AFF3: variants seen among roughly 807,000 people sequenced by gnomAD.
The protein encoded by AFF3 is ALF transcription elongation factor 3.
In AFF3, 32 loss-of-function variants were observed where a neutral mutation model predicts 129.7. The ratio of observed to expected loss-of-function variants is 0.25; its 90% CI spans 0.19 to 0.33. The LOEUF (loss-of-function observed/expected upper bound fraction) is 0.33, where lower values mean the gene tolerates loss of function less well. Among genes scored for constraint, AFF3 ranks in the 10% least tolerant of loss-of-function variants. AFF3 has a pLI of 1.00. For missense variants in AFF3, 1,373 were observed against 1,592.0 expected (o/e 0.86, Z 2.34); for synonymous variants, 644 against 635.4 (o/e 1.01, Z -0.20).
At position 99,584,372 on chromosome 2, in the gene AFF3, C is replaced by T. The variant is rs1575426880; in HGVS notation, c.2592-1373G>A. Among the ~76,000 whole-genome samples the T allele has an allele frequency of 2.0e-5, 3 of 152,282 alleles. No homozygotes were observed. The East Asian group carries it at 5.8e-4, about 29-fold the overall frequency. On this transcript the variant is annotated intron_variant, in intron 16 of 24. Coordinates refer to ENST00000672756, the MANE Select transcript of AFF3 (RefSeq NM_001386135.1). ...AATCCCAGCTACTCAGCTCAGGAGG[C>T]TGAGGCAGGAGAATCGCTTGGGAGA...
intron 8 of AFF3, among the ~76,000 whole-genome samples, chr2:99,780,022 T>C (rs540739969): frequency 1.7e-3 from 262 of 152,350 alleles, no homozygotes; most frequent in Non-Finnish European, 3.3e-3. Flanking sequence ...TCCCAGCATC[T>C]GAAGGACTAC....
intron 7 of AFF3, among the ~76,000 whole-genome samples, chr2:100,005,958 T>C (rs1266643089): frequency 6.6e-6 from 1 of 152,194 alleles, no homozygotes; most frequent in Non-Finnish European, 1.5e-5. Context: ...CACATTTAAT[T>C]TTAGTTAGTA....
chr2:100,022,768 CACAGGCAAT>C (rs1683701329), intron 4 of AFF3, among the ~76,000 whole-genome samples: 1 of 152,162 alleles, frequency 6.6e-6, no homozygotes, highest in Non-Finnish European at 1.5e-5. Context: ...AGTCCAATGC[CACAGGCAAT>C]ACAGGCAGCT....
At chr2:99,889,023 T>A (rs968350011) in intron 7 of AFF3, among the ~76,000 whole-genome samples, 7 of 152,240 alleles carry the variant, frequency 4.6e-5, no homozygotes, top group African/African-American at 1.7e-4. Flanking sequence ...TTTAAACCTT[T>A]AAAAATTTAT....
Position 100,006,618 on chromosome 2 carries a change from T to C in AFF3, c.873+14A>G. 1.9e-6 allele frequency: 3 copies of C among 1,594,000 alleles called. No homozygotes were observed. The highest frequency in any genetic ancestry group is 2.6e-6 in the Non-Finnish European group (3 of 1,165,918). ...CTATGCAGTTGCATGTGAACGGTGC[T>C]GATAAAGACTCACCTCCCCCTGCTT... is the stretch of plus-strand genomic sequence containing the variant. On this transcript the variant is annotated intron_variant, in intron 7 of 24. Transcript: ENST00000672756.
chr2:100,006,989 A>G lies in AFF3; in HGVS notation c.516T>C (p.Leu172=). ...ATQQGSLRTL[L]GDGVGRQQPR... is the part of the protein sequence containing the mutation. Reference sequence around the variant, plus strand: ...GCTGCTGTCTGCCAACACCATCTCCAAGCAAGGTCCTGAGAGAGCCCTGTT... The same window carrying G: ...GCTGCTGTCTGCCAACACCATCTCCGAGCAAGGTCCTGAGAGAGCCCTGTT... Residue 172 remains leucine (L), a synonymous_variant, in exon 7 of 25, where the codon CTT becomes CTC. Transcript: ENST00000672756. The G allele has an allele frequency of 6.2e-7, 1 of 1,612,246 alleles. No homozygotes were observed. Among genetic ancestry groups the G allele is most frequent in the Non-Finnish European group, 8.5e-7 (1 of 1,178,766 alleles).
chr2:99,587,190 G>C lies in AFF3; in HGVS notation c.2555C>G (p.Thr852Ser), dbSNP rs757264063. 4 of 1,614,078 alleles carry C rather than the reference G, an allele frequency of 2.5e-6. No individual in the cohort carries two copies. In the African/African-American group the frequency reaches 5.3e-5, roughly 22 times the overall value. ...SSRLATSTSN[T>S]LSANHCNMNI... ...CATGTTGCAGTGGTTTGCAGACAAA[G>C]TATTACTGGTGGAGGTGGCCAGTCT... The change falls in exon 16 of 25, where the codon ACT becomes AGT. Residue 852 changes from threonine to serine, a missense_variant. Coordinates refer to ENST00000672756, the MANE Select transcript of AFF3 (RefSeq NM_001386135.1).
chr2:100,068,090 C>T (rs903482310), intron 4 of AFF3, among the ~76,000 whole-genome samples: 1 of 152,156 alleles, frequency 6.6e-6, no homozygotes, highest in Non-Finnish European at 1.5e-5. Context: ...GTTGTACTGC[C>T]GAAGGCCGCA....
In AFF3 at chr2:99,750,979, C is replaced by A. The variant is rs149258792; in HGVS notation, c.1002+1242G>T. Among the ~76,000 whole-genome samples, 61 of 152,264 alleles carry A rather than the reference C, an allele frequency of 4.0e-4. 1 individual carries two copies. The East Asian group carries it at 7.5e-3, about 19-fold the overall frequency. ...ATTCACTTGAAAAGGTCTTCAAATA[C>A]GTTTTATTGTAAGAAAAATCAACTC... On this transcript the variant is annotated intron_variant, in intron 9 of 24. Coordinates refer to ENST00000672756, the MANE Select transcript of AFF3 (RefSeq NM_001386135.1).
chr2:99,752,384 G>T, intron 8 of AFF3, 83 bp from the exon 9 acceptor site: 1 of 1,193,224 alleles, frequency 8.4e-7, no homozygotes. Context: ...TGTACAAGTG[G>T]GCCTTCATAA....
At chr2:100,112,919 C>T (rs1691575048) in intron 2 of AFF3, among the ~76,000 whole-genome samples, 1 of 152,204 alleles carries the variant, frequency 6.6e-6, no homozygotes, top group African/African-American at 2.4e-5. Flanking sequence ...ATTCCATATA[C>T]TTGGCACAGA....
chr2:99,916,153 G>C (rs1371541208), intron 7 of AFF3, among the ~76,000 whole-genome samples: 2 of 152,138 alleles, frequency 1.3e-5, no homozygotes, highest in Non-Finnish European at 2.9e-5. Context: ...TCAAAGTGGG[G>C]TGGCCCTACA....
rs753337632 is a variant in AFF3 at position 99,594,120 on chromosome 2, C to T, written c.1541G>A (p.Cys514Tyr). 7 of 1,614,042 alleles carry T rather than the reference C, an allele frequency of 4.3e-6. No individual in the cohort carries two copies. The highest frequency in any genetic ancestry group is 1.6e-4 in the Middle Eastern group (1 of 6,062). ...CTCCTTCTCTCTCAGGCTGGGCTGGCAAACGTCGGGGACTTTCCCACAGTC... is the reference window on the plus strand; with the variant it reads ...CTCCTTCTCTCTCAGGCTGGGCTGGTAAACGTCGGGGACTTTCCCACAGTC... ...VQDCGKVPDV[C>Y]QPSLREKEIK... Residue 514 changes from cysteine (C) to tyrosine (Y), a missense_variant, in exon 15 of 25, where the codon TGC (cysteine) becomes TAC (tyrosine). Cys to Tyr is a radical substitution (Grantham distance 194). Coordinates refer to ENST00000672756, the MANE Select transcript of AFF3 (RefSeq NM_001386135.1).
rs1255303373 is a variant in AFF3 at position 100,104,389 on chromosome 2, C to A, written c.53+13G>T. The A allele has an allele frequency of 5.2e-5, 61 of 1,170,382 alleles. No homozygotes were observed. The highest frequency in any genetic ancestry group is 1.4e-4 in the Admixed American group (4 of 29,042). 72.5% of individuals were successfully genotyped at this position (1,170,382 alleles called of 1,614,324 possible). On this transcript the variant is annotated intron_variant, in intron 4 of 24. Transcript: ENST00000672756. ...GCTCCCGCCCGCCCGAAGCGGCCGG[C>A]ACGGGGACTTACCACAGTGACTCGA... is the stretch of plus-strand genomic sequence containing the variant.
chr2:100,001,192 C>T (rs1559046020), intron 7 of AFF3, among the ~76,000 whole-genome samples: 1 of 152,164 alleles, frequency 6.6e-6, no homozygotes, highest in Non-Finnish European at 1.5e-5. Context: ...CTCCAGGTCC[C>T]ACCCTCCACG....
At chr2:99,694,531 A>AT in intron 11 of AFF3, among the ~76,000 whole-genome samples, 1 of 151,952 alleles carries the variant, frequency 6.6e-6, no homozygotes, top group Admixed American at 6.6e-5. Context: ...TCAGTGTGAC[A>AT]TTTTTTGCAT....
chr2:99,735,712 C>G (rs1360044036), intron 10 of AFF3, among the ~76,000 whole-genome samples: 1 of 152,144 alleles, frequency 6.6e-6, no homozygotes, highest in Non-Finnish European at 1.5e-5. Flanking sequence ...AGACTGGTCT[C>G]GAATTCCTGA....
chr2:99,647,180 A>G (rs1684770458), intron 13 of AFF3, among the ~76,000 whole-genome samples: 3 of 152,228 alleles, frequency 2.0e-5, no homozygotes, highest in Admixed American at 2.0e-4. Flanking sequence ...AAATCATTCT[A>G]TTATAAAGAC....
chr2:99,552,322 G>A (rs1342609713), intron 24 of AFF3, among the ~76,000 whole-genome samples: 2 of 152,150 alleles, frequency 1.3e-5, no homozygotes, highest in Non-Finnish European at 2.9e-5. Context: ...CCCGGGAGGA[G>A]GAGGTTGCAG....
Sources: gnomAD v4.1 joint callset for allele counts (sites outside exome capture counted in the v4.1 genomes callset) on GRCh38, gnomAD v4.1.1 for gene constraint, MANE v1.5 for transcripts, NCBI Gene and HGNC (gene_info 2026-07-23, HGNC 2026-07-21) for gene names.